The following INTS7 variants were observed in gnomAD, a reference collection of about 807,000 sequenced individuals.
The protein encoded by INTS7 is chromosome 1 open reading frame 73.
INTS7 carries 46 observed loss-of-function variants against 109.2 expected under a neutral mutation model. That is an observed-to-expected ratio of 0.42 (90% confidence interval 0.33 to 0.54). The LOEUF (loss-of-function observed/expected upper bound fraction) is 0.54. Among genes scored for constraint, INTS7 ranks in the 20% least tolerant of loss-of-function variants. INTS7 has a pLI of 0.07. For missense variants in INTS7, 929 were observed against 1,132.4 expected, an observed-to-expected ratio of 0.82 and a Z score of 2.58; for synonymous variants, 412 against 402.9, an observed-to-expected ratio of 1.02 and a Z score of -0.27.
At chr1:212,002,553 C>G (rs891531244) in intron 7 of INTS7, among the ~76,000 whole-genome samples, 3 of 152,218 alleles carry the variant, frequency 2.0e-5, no homozygotes, top group Non-Finnish European at 4.4e-5. Context: ...TGACCTCACA[C>G]TCATGAATGT....
At chr1:211,965,032 G>A (rs1663807190) in intron 16 of INTS7, among the ~76,000 whole-genome samples, 1 of 151,844 alleles carries the variant, frequency 6.6e-6, no homozygotes, top group Non-Finnish European at 1.5e-5. Context: ...CTACAGAATG[G>A]GAGAAAATTT....
intron 13 of INTS7, among the ~76,000 whole-genome samples, chr1:211,969,551 C>CTTTTTTTTTTTTTTTTTTT (rs36104773): frequency 2.4e-5 from 2 of 85,014 alleles, no homozygotes; most frequent in Non-Finnish European, 4.7e-5. Flanking sequence ...TTTTTCTTTT[C>CTTTTTTTTTTTTTTTTTTT]TTTTTTTTTT....
intron 5 of INTS7, 93 bp downstream of exon 5, chr1:212,011,282 T>A: frequency 1.5e-6 from 1 of 667,668 alleles, no homozygotes; most frequent in South Asian, 1.9e-5. Context: ...TTTGAATGTA[T>A]GGTGACTAGC....
At chr1:211,988,398 G>C (rs547881494) in intron 7 of INTS7, among the ~76,000 whole-genome samples, 3 of 151,564 alleles carry the variant, frequency 2.0e-5, no homozygotes, top group East Asian at 3.9e-4. Flanking sequence ...CTCCAGCCTG[G>C]GGGACAGAGC....
At position 211,946,856 on chromosome 1, in the gene INTS7, C is replaced by T. The variant is rs934453824; in HGVS notation, c.2317-151G>A. The T allele has an allele frequency of 5.6e-6, 3 of 535,782 alleles. No individual in the cohort carries two copies. The highest frequency in any genetic ancestry group is 6.2e-5 in the East Asian group (2 of 32,440). 33.2% of individuals were successfully genotyped at this position (535,782 alleles called of 1,614,324 possible). A position where few individuals can be genotyped will look rare whatever the true frequency, so the allele number is the denominator to read the frequency against. ...CTAGGCATCACATCCAGGAACTGTG[C>T]ATACATACTAAATCATTCATTACAG... On this transcript the variant is annotated intron_variant, in intron 17 of 19. Coordinates refer to ENST00000366994, the MANE Select transcript of INTS7 (RefSeq NM_015434.4). This position sits in a 1 kb window ranked among gnomAD's most constrained non-coding sequence, Gnocchi z 4.3.
chr1:211,968,003 GACAA>G (rs969189745), intron 14 of INTS7, 22 bp from the exon 15 acceptor site: 5 of 1,331,466 alleles, frequency 3.8e-6, no homozygotes, highest in African/African-American at 3.0e-5. Flanking sequence ...AATCAATTAT[GACAA>G]ACAAACATGC....
chr1:211,951,375 C>G (rs1025234412), intron 17 of INTS7, among the ~76,000 whole-genome samples: 1 of 152,108 alleles, frequency 6.6e-6, no homozygotes, highest in Admixed American at 6.5e-5. Flanking sequence ...GTGGCGCTAT[C>G]TCAGCTCACT....
In INTS7 at chr1:211,968,678, G is replaced by A; in HGVS notation, c.1845C>T (p.Ser615=). ...TGAGTTTTACAAATTCACACTGAAA[G>A]CTTAAAGGATTCAGTGGTGTACTAG... ...TAASTPLNPL[S]FQCEFVKLRI... The change falls in exon 14 of 20, where the codon AGC becomes AGT. Residue 615 remains serine, a synonymous_variant. Coordinates refer to ENST00000366994, the MANE Select transcript of INTS7 (RefSeq NM_015434.4). 6.2e-7 allele frequency: 1 copy of A among 1,610,102 alleles called. No homozygotes were observed. Among genetic ancestry groups the A allele is most frequent in the South Asian group, 1.1e-5 (1 of 90,904 alleles).
chr1:212,013,958 T>C (rs1666282552), intron 4 of INTS7, among the ~76,000 whole-genome samples: 1 of 152,202 alleles, frequency 6.6e-6, no homozygotes, highest in South Asian at 2.1e-4. Flanking sequence ...GTGACTGAAA[T>C]TTTTAAAAGT....
In INTS7 at chr1:212,010,347, T is replaced by C. The variant is rs1043218763; in HGVS notation, c.556+1028A>G. On this transcript the variant is annotated intron_variant, in intron 5 of 19. Transcript: ENST00000366994. The stretch of plus-strand genomic sequence containing the variant: ...AGCTCTTGGGCTCCCATAATGACTG[T>C]TGTAAGGATAAATAGGGTTAATACA... Among the ~76,000 whole-genome samples the C allele has an allele frequency of 2.6e-5, 4 of 152,208 alleles. No homozygotes were observed. The East Asian group carries it at 5.8e-4, about 22-fold the overall frequency.
At chr1:211,982,998 T>A (rs1224822586) in intron 8 of INTS7, among the ~76,000 whole-genome samples, 188 bp from the exon 9 acceptor site, 2 of 152,178 alleles carry the variant, frequency 1.3e-5, no homozygotes, top group Non-Finnish European at 2.9e-5. Flanking sequence ...GAAATAGGTA[T>A]GTGCCAACAG....
At chr1:211,982,583 G>T (rs1405415153) in intron 9 of INTS7, 93 bp downstream of exon 9, 1 of 971,398 alleles carries the variant, frequency 1.0e-6, no homozygotes, top group Non-Finnish European at 1.5e-6. Flanking sequence ...AGGCACACAG[G>T]CTAAAAATAA....
intron 8 of INTS7, among the ~76,000 whole-genome samples, chr1:211,983,708 A>G (rs1438888730): frequency 6.6e-6 from 1 of 152,176 alleles, no homozygotes; most frequent in Admixed American, 6.5e-5. Flanking sequence ...AGGCTGAAAG[A>G]GACGCTACTA....
intron 7 of INTS7, among the ~76,000 whole-genome samples, chr1:211,993,148 C>CAG (rs2102446301): frequency 6.6e-6 from 1 of 152,334 alleles, no homozygotes; most frequent in Admixed American, 6.5e-5. Context: ...AGTATTCTGT[C>CAG]AGAGACAGAA....
At position 211,960,620 on chromosome 1, in the gene INTS7, C is replaced by T. The variant is rs143444276; in HGVS notation, c.2183+5810G>A. Among the ~76,000 whole-genome samples, 861 of 152,238 alleles carry T rather than the reference C, an allele frequency of 5.7e-3. 30 individuals are homozygous for T. The highest frequency in any genetic ancestry group is 0.05 in the Admixed American group (764 of 15,294). On this transcript the variant is annotated intron_variant, in intron 16 of 19. Coordinates refer to ENST00000366994, the MANE Select transcript of INTS7 (RefSeq NM_015434.4). ...CCAGTATAAAAAAGAATGTAACCAA[C>T]TTGATAGAGTAGAAAAACAAACTGC... is the stretch of plus-strand genomic sequence containing the variant.
intron 1 of INTS7, among the ~76,000 whole-genome samples, chr1:212,021,824 G>C (rs1404555371): frequency 6.6e-6 from 1 of 151,886 alleles, no homozygotes; most frequent in Non-Finnish European, 1.5e-5. Flanking sequence ...CTCCAGCCTG[G>C]GCAGCAGTGC....
At chr1:211,999,877 C>G (rs2993545) in intron 7 of INTS7, among the ~76,000 whole-genome samples, 12,647 of 151,946 alleles carry the variant, frequency 0.083, 748 homozygotes, top group African/African-American at 0.17. Flanking sequence ...GGCCGAGGCA[C>G]GTGGATCACC....
intron 5 of INTS7, among the ~76,000 whole-genome samples, chr1:212,007,969 C>CTA (rs1038007428): frequency 3.0e-4 from 46 of 152,288 alleles, no homozygotes; most frequent in African/African-American, 8.7e-4. Context: ...AAGACTAACC[C>CTA]TAATCCACGT....
chr1:211,974,187 T>C (rs1195481070), intron 13 of INTS7, among the ~76,000 whole-genome samples: 1 of 150,950 alleles, frequency 6.6e-6, no homozygotes, highest in African/African-American at 2.4e-5. Flanking sequence ...AATAGTTCTA[T>C]TGATCTCAAC....
Sources: gnomAD v4.1 joint callset for allele counts (sites outside exome capture counted in the v4.1 genomes callset) on GRCh38, gnomAD v4.1.1 for gene constraint, Gnocchi (gnomAD v3.1) non-coding constraint, MANE v1.5 for transcripts, NCBI Gene and HGNC (gene_info 2026-07-23, HGNC 2026-07-21) for gene names.